The following ABLIM1 variants were observed in gnomAD, a reference collection of about 807,000 sequenced individuals.
ABLIM1 encodes actin-binding LIM protein 1.
ABLIM1 carries 40 observed loss-of-function variants against 107.0 expected under a neutral mutation model. That is an observed-to-expected ratio of 0.37 (90% CI 0.29 to 0.49). The LOEUF (loss-of-function observed/expected upper bound fraction) is 0.49, where lower values mean the gene tolerates loss of function less well. Among genes scored for constraint, ABLIM1 ranks in the 20% least tolerant of loss-of-function variants. ABLIM1 has a pLI of 0.97. For missense variants in ABLIM1, 857 were observed against 1,008.5 expected, an observed-to-expected ratio of 0.85 and a Z score of 2.04; for synonymous variants, 357 against 357.3, an observed-to-expected ratio of 1.00 and a Z score of 0.01.
At chr10:114,529,515 G>C (rs548838277) in intron 6 of ABLIM1, among the ~76,000 whole-genome samples, 1 of 152,150 alleles carries the variant, frequency 6.6e-6, no homozygotes, top group African/African-American at 2.4e-5. Flanking sequence ...CTGGGATGGG[G>C]TCAAAGAGGA....
chr10:114,577,122 C>T (rs1263045760), intron 2 of ABLIM1, among the ~76,000 whole-genome samples: 7 of 152,180 alleles, frequency 4.6e-5, no homozygotes, highest in Non-Finnish European at 5.9e-5. Context: ...TCTTCAATAT[C>T]TGTCTATGTG....
Position 114,532,223 on chromosome 10 carries a change from A to G in ABLIM1, c.894+12782T>C, listed in dbSNP as rs117596270. Among the ~76,000 whole-genome samples, 826 of 152,304 alleles carry G rather than the reference A, an allele frequency of 5.4e-3. 5 individuals carry two copies. Among genetic ancestry groups the G allele is most frequent in the Non-Finnish European group, 8.1e-3 (548 of 68,032 alleles). ...CTATCCCTGTTTCCAAGGTGCCTGCAGCTTTGTGTTTTGCTATGGAGCCAT... is the reference window on the plus strand; with the variant it reads ...CTATCCCTGTTTCCAAGGTGCCTGCGGCTTTGTGTTTTGCTATGGAGCCAT... On this transcript the variant is annotated intron_variant, in intron 6 of 22. Coordinates refer to ENST00000533213, the MANE Select transcript of ABLIM1 (RefSeq NM_002313.7).
intron 6 of ABLIM1, among the ~76,000 whole-genome samples, chr10:114,540,386 C>A (rs1200311529): frequency 1.3e-5 from 2 of 152,150 alleles, no homozygotes; most frequent in Admixed American, 1.3e-4. Context: ...CCAAGGGGCC[C>A]CAGCTGGTGA....
At chr10:114,704,923 C>T (rs1056967727) in intron 1 of ABLIM1, among the ~76,000 whole-genome samples, 1 of 152,186 alleles carries the variant, frequency 6.6e-6, no homozygotes, top group Non-Finnish European at 1.5e-5. Flanking sequence ...GAATTCCCTT[C>T]ATGTATACCA....
chr10:114,683,756 G>T (rs530156375), intron 1 of ABLIM1, among the ~76,000 whole-genome samples: 1 of 152,162 alleles, frequency 6.6e-6, no homozygotes, highest in African/African-American at 2.4e-5. Context: ...GTGAGACTGC[G>T]TGGGGCCACC....
chr10:114,710,640 G>C (rs1235335748), intron 1 of ABLIM1, among the ~76,000 whole-genome samples: 1 of 152,148 alleles, frequency 6.6e-6, no homozygotes, highest in African/African-American at 2.4e-5. Flanking sequence ...AAATTAAACA[G>C]GCTTAGTGGC....
At chr10:114,526,563 ATCCGAGCGGCC>A in intron 6 of ABLIM1, 2 of 910,126 alleles carry the variant, frequency 2.2e-6, no homozygotes, top group Non-Finnish European at 2.6e-6. Flanking sequence ...CATTTGGAGG[ATCCGAGCGGCC>A]TCCGACCTCA....
chr10:114,470,212 C>A (rs570425751), intron 10 of ABLIM1, among the ~76,000 whole-genome samples: 1 of 152,128 alleles, frequency 6.6e-6, no homozygotes, highest in Non-Finnish European at 1.5e-5. Context: ...CACTTGAGGT[C>A]AGGAGTTCAC....
upstream of ABLIM1, among the ~76,000 whole-genome samples, chr10:114,770,590 C>T (rs1248725316): frequency 6.6e-6 from 1 of 152,154 alleles, no homozygotes; most frequent in Non-Finnish European, 1.5e-5. Flanking sequence ...ACAGTGATCT[C>T]GTTCAATCAA....
At chr10:114,726,324 T>G (rs12783562) in intron 1 of ABLIM1, among the ~76,000 whole-genome samples, 54,463 of 151,844 alleles carry the variant, frequency 0.36, 11,219 homozygotes, top group Non-Finnish European at 0.47. Flanking sequence ...GACTGGGTAA[T>G]TGATAAAGAA....
chr10:114,485,778 T>C (rs2058100221), intron 8 of ABLIM1, among the ~76,000 whole-genome samples: 1 of 152,236 alleles, frequency 6.6e-6, no homozygotes, highest in Non-Finnish European at 1.5e-5. Context: ...TGAAAGATTC[T>C]TAAAACATTT....
intron 8 of ABLIM1, among the ~76,000 whole-genome samples, chr10:114,480,712 GGT>G (rs1377246263): frequency 1.3e-5 from 2 of 152,152 alleles, no homozygotes; most frequent in Non-Finnish European, 2.9e-5. Context: ...AGGAGCCTTC[GGT>G]AAGAACCTTC....
At chr10:114,634,234 G>T (rs1306862576) in intron 1 of ABLIM1, among the ~76,000 whole-genome samples, 1 of 138,762 alleles carries the variant, frequency 7.2e-6, no homozygotes, top group African/African-American at 2.8e-5. Context: ...CCGGGTTCAC[G>T]CCATTCTCCT....
rs991609291 is a variant in ABLIM1 at position 114,465,899 on chromosome 10, A to C, written c.1312-72T>G. ...GGAACCACGCTTCACAAACACTGCC[A>C]AGGAACCATCATGTCTACTTGTTTA... On this transcript the variant is annotated intron_variant, in intron 11 of 22. Transcript: ENST00000533213. 5.9e-6 allele frequency: 9 copies of C among 1,523,024 alleles called. No homozygotes were observed. The African/African-American group carries it at 1.2e-4, about 21-fold the overall frequency. The allele number at this position is 1,523,024 out of a possible 1,614,324, so 94.3% of individuals were successfully genotyped here. A position where few individuals can be genotyped will look rare whatever the true frequency, so the allele number is the denominator to read the frequency against.
the ABLIM1 span, among the ~76,000 whole-genome samples, chr10:114,781,087 G>A: frequency 6.6e-6 from 1 of 152,192 alleles, no homozygotes. Context: ...TTGAATAAAT[G>A]TCTTGCCTTT....
chr10:114,530,701 CT>C (rs2065357094), intron 6 of ABLIM1, among the ~76,000 whole-genome samples: 1 of 151,982 alleles, frequency 6.6e-6, no homozygotes, highest in East Asian at 1.9e-4. Context: ...AGCCGGCTAA[CT>C]TTTGTATTTT....
intron 1 of ABLIM1, among the ~76,000 whole-genome samples, chr10:114,721,699 C>G (rs543433761): frequency 3.3e-5 from 5 of 152,076 alleles, no homozygotes; most frequent in African/African-American, 9.6e-5. Flanking sequence ...CCCTTGAACT[C>G]CTGGTCTTGA....
chr10:114,608,742 C>T (rs1003388147), intron 1 of ABLIM1, among the ~76,000 whole-genome samples: 2 of 152,030 alleles, frequency 1.3e-5, no homozygotes, highest in Admixed American at 6.6e-5. Context: ...AGGCTGGGCA[C>T]GGTGGCTCAC....
chr10:114,800,591 C>A, the ABLIM1 span, among the ~76,000 whole-genome samples: 14 of 152,232 alleles, frequency 9.2e-5, no homozygotes, highest in South Asian at 2.9e-3. Context: ...GACCCGTGAA[C>A]AACATGGGGG....
Sources: allele counts gnomAD v4.1 joint callset (sites outside exome capture counted in the v4.1 genomes callset), GRCh38; gene constraint gnomAD v4.1.1; transcripts MANE v1.5; gene names NCBI Gene and HGNC (gene_info 2026-07-23, HGNC 2026-07-21).